The following RPL37 variants were observed in gnomAD, a reference collection of about 807,000 sequenced individuals.
RPL37 encodes ribosomal protein L37.
RPL37 carries 1 observed loss-of-function variant against 14.8 expected under a neutral mutation model. The observed-to-expected ratio is 0.07, with a 90% CI of 0.02 to 0.32. The LOEUF (loss-of-function observed/expected upper bound fraction) is 0.32, where lower values mean the gene tolerates loss of function less well. Ranked by LOEUF, RPL37 falls within the 10% of genes least tolerant of loss-of-function variation. RPL37 has a pLI of 1.00. For synonymous variants in RPL37, 53 were observed against 45.8 expected (o/e 1.16, Z -0.63); for missense variants, 100 against 128.3 (o/e 0.78, Z 1.06).
intron 3 of RPL37, 156 bp from the exon 4 acceptor site, chr5:40,832,729 A>G (rs755136224): frequency 2.6e-6 from 2 of 757,726 alleles, no homozygotes; most frequent in South Asian, 1.4e-5. Flanking sequence ...AACATCACTG[A>G]TAAGCTGAAA....
Position 40,834,633 on chromosome 5 carries a change from T to G in RPL37, c.4-27A>C, listed in dbSNP as rs41271051. The G allele has an allele frequency of 7.0e-5, 111 of 1,575,098 alleles. No individual in the cohort carries two copies. In the East Asian group the frequency reaches 2.5e-3, roughly 35 times the overall value. ...TGCACATTAAAGGAATAAATAGTTC[T>G]GAAACCTGGCAACTTCTAGATTTAC... On this transcript the variant is annotated intron_variant, in intron 1 of 3. Transcript: ENST00000274242.
intron 2 of RPL37, 35 bp from the exon 3 acceptor site, chr5:40,834,300 G>C (rs757498823): frequency 4.4e-6 from 7 of 1,594,948 alleles, no homozygotes; most frequent in Non-Finnish European, 4.3e-6. Flanking sequence ...TTCAAACGGT[G>C]TTCTCCCACA....
chr5:40,834,502 T>C lies in RPL37; in HGVS notation c.108A>G (p.Lys36=). 4 of 1,613,986 alleles carry C rather than the reference T, an allele frequency of 2.5e-6. No homozygotes were observed. Among genetic ancestry groups the C allele is most frequent in the Non-Finnish European group, 2.5e-6 (3 of 1,180,002 alleles). ...AYHLQKSTCG[K]CGYPAKRKRK... is the part of the protein sequence containing the mutation. ...TCTTGCGCTTGGCAGGGTAGCCACA[T>C]TTGCCACAGGTCGACTTCTGAAGGT... The change falls in exon 2 of 4, where the codon AAA becomes AAG. Residue 36 remains lysine (K), a synonymous_variant. Transcript: ENST00000274242.
Position 40,834,390 on chromosome 5 carries a change from A to C in RPL37, c.139+81T>G, listed in dbSNP as rs146818602. On this transcript the variant is annotated intron_variant, in intron 2 of 3. Coordinates refer to ENST00000274242, the MANE Select transcript of RPL37 (RefSeq NM_000997.5). ...ATGTACGAGTTTTAAGATAGGCACCAAATAAAGTTCAAACCTATGCCCCCA... is the reference window on the plus strand; with the variant it reads ...ATGTACGAGTTTTAAGATAGGCACCCAATAAAGTTCAAACCTATGCCCCCA... 1.3e-4 allele frequency: 206 copies of C among 1,583,344 alleles called. No homozygotes were observed. In the African/African-American group the frequency reaches 2.4e-3, roughly 18 times the overall value.
In RPL37 at chr5:40,835,205, C is replaced by T; in HGVS notation, c.-20G>A. The T allele has an allele frequency of 6.2e-7, 1 of 1,613,962 alleles. No individual in the cohort carries two copies. The highest frequency in any genetic ancestry group is 1.1e-5 in the South Asian group (1 of 91,058). ...CACCATCTCGCTTCTGCGGCCGAGACCAGAAAGACCGGAAGAGAAGGCACT... is the reference window on the plus strand; with the variant it reads ...CACCATCTCGCTTCTGCGGCCGAGATCAGAAAGACCGGAAGAGAAGGCACT... On this transcript the variant is annotated 5_prime_UTR_variant, in exon 1 of 4. Transcript: ENST00000274242.
In RPL37 at chr5:40,828,685, G is replaced by C. The variant is rs890297285; in HGVS notation, c.*3819C>G. ...TTTAAAATATATCTTCATTCTCTTT[G>C]GCCTCAGCCACATGTGACTGAGTGC... is the stretch of plus-strand genomic sequence containing the variant. On this transcript the variant is annotated 3_prime_UTR_variant, in exon 4 of 4. Coordinates refer to ENST00000274242, the MANE Select transcript of RPL37 (RefSeq NM_000997.5). The C allele has an allele frequency of 4.0e-5, 6 of 151,738 alleles. No homozygotes were observed. Among genetic ancestry groups the C allele is most frequent in the Admixed American group, 3.9e-4 (6 of 15,240 alleles). 9.4% of individuals were successfully genotyped at this position (151,738 alleles called of 1,614,324 possible).
intron 1 of RPL37, 79 bp from the exon 2 acceptor site, chr5:40,834,685 G>T: frequency 6.8e-7 from 1 of 1,469,974 alleles, no homozygotes; most frequent in Admixed American, 2.3e-5. Flanking sequence ...ACCAATTACT[G>T]ATAAAATTTA....
At chr5:40,834,855 CAATG>C (rs1165599886) in intron 1 of RPL37, among the ~76,000 whole-genome samples, 2 of 152,172 alleles carry the variant, frequency 1.3e-5, no homozygotes, top group East Asian at 1.9e-4. Flanking sequence ...AGAGCATCAC[CAATG>C]AATTATTTCA....
intron 1 of RPL37, 37 bp from the exon 2 acceptor site, chr5:40,834,643 C>A (rs1745723368): frequency 6.4e-7 from 1 of 1,566,986 alleles, no homozygotes; most frequent in South Asian, 1.2e-5. Context: ...TGAAACCTGG[C>A]AACTTCTAGA....
rs1745566169 is a variant in RPL37 at position 40,828,494 on chromosome 5, A to C, written c.*4010T>G. 1 of 152,204 alleles carries C rather than the reference A, an allele frequency of 6.6e-6. No individual in the cohort carries two copies. The highest frequency in any genetic ancestry group is 1.5e-5 in the Non-Finnish European group (1 of 68,032). The allele number at this position is 152,204 out of a possible 1,614,324, so 9.4% of individuals were successfully genotyped here. ...TTAGTCAATAAAAGGGAACCACAGA[A>C]TAGGTAAACTTCCAAAAGTATCTAG... On this transcript the variant is annotated 3_prime_UTR_variant, in exon 4 of 4. Transcript: ENST00000274242.
intron 3 of RPL37, 27 bp downstream of exon 3, chr5:40,834,154 A>C (rs1745710300): frequency 1.3e-6 from 2 of 1,531,124 alleles, no homozygotes; most frequent in Non-Finnish European, 1.8e-6. Context: ...CCACTGGACC[A>C]ATTATGATCG....
At position 40,834,409 on chromosome 5, in the gene RPL37, G is replaced by GC. The variant is rs200431750; in HGVS notation, c.139+61dup. 1.1e-3 allele frequency: 1,746 copies of GC among 1,592,550 alleles called. 9 individuals are homozygous for GC. The African/African-American group carries it at 0.016, about 15-fold the overall frequency. ...GGCACCAAATAAAGTTCAAACCTAT[G>GC]CCCCCACTTAAGTGCAATACAAACA... On this transcript the variant is annotated intron_variant, in intron 2 of 3. Coordinates refer to ENST00000274242, the MANE Select transcript of RPL37 (RefSeq NM_000997.5).
At position 40,835,197 on chromosome 5, in the gene RPL37, G is replaced by C; in HGVS notation, c.-12C>G. ...TCACAACTCACCATCTCGCTTCTGC[G>C]GCCGAGACCAGAAAGACCGGAAGAG... On this transcript the variant is annotated 5_prime_UTR_variant, in exon 1 of 4. Coordinates refer to ENST00000274242, the MANE Select transcript of RPL37 (RefSeq NM_000997.5). 6.2e-7 allele frequency: 1 copy of C among 1,614,068 alleles called. No individual in the cohort carries two copies. Among genetic ancestry groups the C allele is most frequent in the Non-Finnish European group, 8.5e-7 (1 of 1,180,024 alleles).
chr5:40,832,282 G>T lies in RPL37; in HGVS notation c.*222C>A. 1.9e-6 allele frequency: 1 copy of T among 539,004 alleles called. No individual in the cohort carries two copies. Among genetic ancestry groups the T allele is most frequent in the East Asian group, 3.3e-5 (1 of 30,356 alleles). 33.4% of individuals were successfully genotyped at this position (539,004 alleles called of 1,614,324 possible). A position where few individuals can be genotyped will look rare whatever the true frequency, so the allele number is the denominator to read the frequency against. ...CTGCTTCAAGGACTCCTGGAATTCT[G>T]CTTGTTTCTCATTGCCTTTAACCGT... On this transcript the variant is annotated 3_prime_UTR_variant, in exon 4 of 4. Transcript: ENST00000274242.
In RPL37 at chr5:40,828,470, T is replaced by C. The variant is rs1341869840; in HGVS notation, c.*4034A>G. On this transcript the variant is annotated 3_prime_UTR_variant, in exon 4 of 4. Transcript: ENST00000274242. Reference sequence around the variant, plus strand: ...TGCTTCATGAATGAAGGGCACCATTTAGTCAATAAAAGGGAACCACAGAAT... The same window carrying C: ...TGCTTCATGAATGAAGGGCACCATTCAGTCAATAAAAGGGAACCACAGAAT... 1 of 152,182 alleles carries C rather than the reference T, an allele frequency of 6.6e-6. No homozygotes were observed. Among genetic ancestry groups the C allele is most frequent in the Non-Finnish European group, 1.5e-5 (1 of 68,024 alleles). 9.4% of individuals were successfully genotyped at this position (152,182 alleles called of 1,614,324 possible).
rs770111750 is a variant in RPL37 at position 40,832,523 on chromosome 5, G to C, written c.275C>G (p.Ala92Gly). 4.3e-6 allele frequency: 7 copies of C among 1,613,676 alleles called. No homozygotes were observed. The Admixed American group carries it at 6.7e-5, about 15-fold the overall frequency. Residue 92 changes from alanine (A) to glycine (G), a missense_variant, in exon 4 of 4, where the codon GCA (alanine) becomes GGA (glycine). Physicochemically the swap from Ala to Gly is moderately conservative, Grantham distance 60 (BLOSUM62 0). Coordinates refer to ENST00000274242, the MANE Select transcript of RPL37 (RefSeq NM_000997.5). The stretch of plus-strand genomic sequence containing the variant: ...ACATTCTTAAGATGAACTGGATGCT[G>C]CAACAGCTGCCCTCTTGGGTTTAGG... Reference protein sequence around the residue: ...TTPKPKRAAVAASSSS With the variant: ...TTPKPKRAAVGASSSS
At chr5:40,834,923 G>A (rs892265647) in intron 1 of RPL37, 2 of 618,350 alleles carry the variant, frequency 3.2e-6, no homozygotes, top group African/African-American at 1.8e-5. Flanking sequence ...CCCAACCAAG[G>A]CTAGAGCCGT....
In RPL37 at chr5:40,826,465, C is replaced by A. The variant is rs1289300160; in HGVS notation, c.*6039G>T. The A allele has an allele frequency of 6.6e-6, 1 of 152,110 alleles. No individual in the cohort carries two copies. The highest frequency in any genetic ancestry group is 1.5e-5 in the Non-Finnish European group (1 of 68,024). The allele number at this position is 152,110 out of a possible 1,614,324, so 9.4% of individuals were successfully genotyped here. A position where few individuals can be genotyped will look rare whatever the true frequency, so the allele number is the denominator to read the frequency against. On this transcript the variant is annotated 3_prime_UTR_variant, in exon 4 of 4. Coordinates refer to ENST00000274242, the MANE Select transcript of RPL37 (RefSeq NM_000997.5). ...AGGATAGAGACCAATGAAGAAATTT[C>A]TTTGGAGAATTGTTAAGTGCTCAAT...
chr5:40,834,021 G>A (rs1745704591), intron 3 of RPL37, 160 bp downstream of exon 3: 1 of 624,180 alleles, frequency 1.6e-6, no homozygotes, highest in East Asian at 2.8e-5. Flanking sequence ...CTCAAGCCTG[G>A]GCAACATAGT....
Sources: allele counts gnomAD v4.1 joint callset (sites outside exome capture counted in the v4.1 genomes callset), GRCh38; gene constraint gnomAD v4.1.1; transcripts MANE v1.5; gene names NCBI Gene and HGNC (gene_info 2026-07-23, HGNC 2026-07-21).